Variants in ZHX3 observed in about 807,000 individuals in gnomAD.
ZHX3 encodes the protein zinc fingers and homeoboxes 3, also known as zinc fingers and homeoboxes protein 3.
ZHX3 carries 20 observed loss-of-function variants against 64.5 expected under a neutral mutation model. The observed-to-expected ratio is 0.31, with a 90% CI of 0.22 to 0.45. The LOEUF (loss-of-function observed/expected upper bound fraction) is 0.45, where lower values mean the gene tolerates loss of function less well. ZHX3 is among the 20% of genes least tolerant of loss of function. The pLI, the probability that ZHX3 is intolerant of heterozygous loss-of-function variation, is 1.00. For synonymous variants in ZHX3, 423 were observed against 461.6 expected (o/e 0.92, Z 1.07); for missense variants, 1,041 against 1,195.8 (o/e 0.87, Z 1.91).
At chr20:41,268,679 A>G (rs2042979934) in intron 2 of ZHX3, among the ~76,000 whole-genome samples, 1 of 152,230 alleles carries the variant, frequency 6.6e-6, no homozygotes, top group Non-Finnish European at 1.5e-5. Context: ...CACCCTGCAC[A>G]TCATAGAGAG....
In ZHX3 at chr20:41,250,224, C is replaced by A. The variant is rs183765288; in HGVS notation, c.-151+18766G>T. Among the ~76,000 whole-genome samples, 720 of 152,236 alleles carry A rather than the reference C, an allele frequency of 4.7e-3. 7 individuals carry two copies. Among genetic ancestry groups the A allele is most frequent in the Non-Finnish European group, 6.3e-3 (428 of 68,018 alleles). The stretch of plus-strand genomic sequence containing the variant: ...GCAGCACCAGATAAACCAAGTGGAC[C>A]AAAAGAGTACTGCAAAGGCTCTGAA... On this transcript the variant is annotated intron_variant, in intron 2 of 3. Transcript: ENST00000683867.
At chr20:41,306,516 A>T (rs1410567391) in intron 1 of ZHX3, among the ~76,000 whole-genome samples, 2 of 152,238 alleles carry the variant, frequency 1.3e-5, no homozygotes, top group Non-Finnish European at 2.9e-5. Context: ...CCATAGGTCC[A>T]CTAGACTGTG....
intron 2 of ZHX3, among the ~76,000 whole-genome samples, chr20:41,222,790 T>C (rs2040028463): frequency 6.6e-6 from 1 of 152,192 alleles, no homozygotes. Flanking sequence ...GTGGTTTTAC[T>C]TCTGAGATTA....
At chr20:41,196,208 C>A (rs567531037) in intron 3 of ZHX3, among the ~76,000 whole-genome samples, 1 of 141,696 alleles carries the variant, frequency 7.1e-6, no homozygotes, top group Non-Finnish European at 1.5e-5. Flanking sequence ...CTATTTTTGT[C>A]TTTCTCCCTT....
Position 41,203,136 on chromosome 20 carries a change from A to G in ZHX3, c.1781T>C (p.Leu594Pro), listed in dbSNP as rs770459637. Residue 594 changes from leucine to proline, a missense_variant, in exon 3 of 4, where the codon CTA (leucine) becomes CCA (proline). Physicochemically the swap from Leu to Pro is moderately conservative, Grantham distance 98. Transcript: ENST00000683867. The surrounding 1 kb of genome is among the most constrained non-coding windows in gnomAD (Gnocchi z 7.1). The part of the protein sequence containing the change: ...EVTCIPTTAT[L>P]ATHPSAKRQS... Reference sequence around the variant, plus strand: ...TCGTTTGGCAGAAGGGTGGGTTGCTAGTGTGGCTGTTGTCGGAATGCAGGT... The same window carrying G: ...TCGTTTGGCAGAAGGGTGGGTTGCTGGTGTGGCTGTTGTCGGAATGCAGGT... 8 of 1,614,080 alleles carry G rather than the reference A, an allele frequency of 5.0e-6. No homozygotes were observed. Among genetic ancestry groups the G allele is most frequent in the South Asian group, 3.3e-5 (3 of 91,070 alleles).
intron 1 of ZHX3, among the ~76,000 whole-genome samples, chr20:41,296,919 T>A (rs368161130): frequency 3.3e-5 from 5 of 152,188 alleles, no homozygotes; most frequent in Admixed American, 1.3e-4. Flanking sequence ...ACTACTTTCA[T>A]CCATTTTCAT....
At chr20:41,215,802 A>G (rs925107512) in intron 2 of ZHX3, among the ~76,000 whole-genome samples, 1 of 151,288 alleles carries the variant, frequency 6.6e-6, no homozygotes, top group Non-Finnish European at 1.5e-5. Flanking sequence ...ATACAAAAAA[A>G]TTAGCTGGGC....
chr20:41,288,309 C>T (rs1044085351), intron 1 of ZHX3, among the ~76,000 whole-genome samples: 12 of 152,150 alleles, frequency 7.9e-5, no homozygotes, highest in African/African-American at 2.4e-4. Context: ...TGTGAGCCAC[C>T]GTTCCCAGCC....
At chr20:41,259,007 A>C (rs974968375) in intron 2 of ZHX3, among the ~76,000 whole-genome samples, 2 of 152,256 alleles carry the variant, frequency 1.3e-5, no homozygotes, top group Non-Finnish European at 2.9e-5. Flanking sequence ...TTAAAAAAAA[A>C]CCACATTTTC....
At chr20:41,237,228 A>G (rs1448410060) in intron 2 of ZHX3, among the ~76,000 whole-genome samples, 5 of 152,256 alleles carry the variant, frequency 3.3e-5, no homozygotes, top group African/African-American at 1.2e-4. Flanking sequence ...ATCTAGAACT[A>G]GAAATGCCAT....
intron 2 of ZHX3, among the ~76,000 whole-genome samples, chr20:41,258,065 A>G (rs962077576): frequency 5.3e-5 from 8 of 151,308 alleles, no homozygotes; most frequent in Non-Finnish European, 1.0e-4. Context: ...ATGCCCAGAT[A>G]ATTTTTGTAT....
rs922969366 is a variant in ZHX3, at chr20:41,232,628, C to T, written c.-150-27562G>A. ...TTTTTTTGAGACGGAGTCTCGCTGT[C>T]GCCCAGGCTGGAGTGCAGTGGCGCA... On this transcript the variant is annotated intron_variant, in intron 2 of 3. Coordinates refer to ENST00000683867, the MANE Select transcript of ZHX3 (RefSeq NM_001384317.1). The surrounding 1 kb of genome is among the most constrained non-coding windows in gnomAD (Gnocchi z 5.0). 9.9e-5 allele frequency among the ~76,000 whole-genome samples: 15 copies of T among 152,032 alleles called. No homozygotes were observed. The highest frequency in any genetic ancestry group is 1.8e-4 in the Non-Finnish European group (12 of 68,002).
At chr20:41,251,756 C>T (rs1035112980) in intron 2 of ZHX3, among the ~76,000 whole-genome samples, 1 of 151,948 alleles carries the variant, frequency 6.6e-6, no homozygotes, top group Non-Finnish European at 1.5e-5. Flanking sequence ...TTACATTATG[C>T]TTATCATTTT....
At chr20:41,205,703 C>A (rs534663753) in intron 2 of ZHX3, among the ~76,000 whole-genome samples, 1 of 152,304 alleles carries the variant, frequency 6.6e-6, no homozygotes, top group African/African-American at 2.4e-5. Flanking sequence ...GTATCCCGGA[C>A]CACTGTTACT....
At chr20:41,236,927 A>C (rs913617585) in intron 2 of ZHX3, among the ~76,000 whole-genome samples, 2 of 152,234 alleles carry the variant, frequency 1.3e-5, no homozygotes, top group African/African-American at 2.4e-5. Flanking sequence ...CAAGAAAAAA[A>C]CAACCCCATC....
At chr20:41,246,872 GA>G (rs754121889) in intron 2 of ZHX3, among the ~76,000 whole-genome samples, 33 of 128,532 alleles carry the variant, frequency 2.6e-4, no homozygotes, top group East Asian at 2.3e-3. Flanking sequence ...GACTCCATCT[GA>G]AAAAAAAAAA....
chr20:41,255,844 T>A (rs1292763298), intron 2 of ZHX3, among the ~76,000 whole-genome samples: 1 of 152,190 alleles, frequency 6.6e-6, no homozygotes, highest in Admixed American at 6.5e-5. Flanking sequence ...CACTGCCAGC[T>A]GGCCATGCTG....
At chr20:41,273,679 C>A (rs1322536977) in intron 1 of ZHX3, among the ~76,000 whole-genome samples, 2 of 152,182 alleles carry the variant, frequency 1.3e-5, no homozygotes, top group Non-Finnish European at 2.9e-5. Context: ...TATTTCTGGA[C>A]TCTCAGTTTT....
intron 2 of ZHX3, among the ~76,000 whole-genome samples, chr20:41,256,084 TAAC>T (rs1330294192): frequency 6.6e-6 from 1 of 152,208 alleles, no homozygotes; most frequent in African/African-American, 2.4e-5. Flanking sequence ...ATTAAAATAG[TAAC>T]AATTTATTTT....
Sources: gnomAD v4.1 joint callset for allele counts (sites outside exome capture counted in the v4.1 genomes callset) on GRCh38, gnomAD v4.1.1 for gene constraint, Gnocchi (gnomAD v3.1) non-coding constraint, MANE v1.5 for transcripts, NCBI Gene and HGNC (gene_info 2026-07-23, HGNC 2026-07-21) for gene names.